The following LRCH2 variants were observed in gnomAD, a reference collection of about 807,000 sequenced individuals.
LRCH2 encodes leucine rich repeats and calponin homology domain containing 2.
A neutral mutation model predicts 68.9 loss-of-function variants in LRCH2; 38 were observed. The ratio of observed to expected loss-of-function variants is 0.55; its 90% CI spans 0.43 to 0.72. The LOEUF (loss-of-function observed/expected upper bound fraction) is 0.72, where lower values mean the gene tolerates loss of function less well. LRCH2 is among the 30% of genes least tolerant of loss of function. The probability of loss-of-function intolerance (pLI) is 0.00; values close to 1 mark genes in which losing one functional copy is unlikely to be tolerated. For synonymous variants in LRCH2, 191 were observed against 208.1 expected, an observed-to-expected ratio of 0.92 and a Z score of 0.71; for missense variants, 528 against 572.9, an observed-to-expected ratio of 0.92 and a Z score of 0.80.
intron 12 of LRCH2, among the ~76,000 whole-genome samples, chrX:115,152,961 C>T (rs1161426948): frequency 9.1e-6 from 1 of 109,896 alleles, no homozygotes; most frequent in South Asian, 3.9e-4. Flanking sequence ...TCAAGGTACT[C>T]GAAGAAAACT....
chrX:115,202,848 G>A (rs1353150777), intron 1 of LRCH2, among the ~76,000 whole-genome samples: 2 of 111,890 alleles, frequency 1.8e-5, no homozygotes, highest in African/African-American at 6.5e-5. Flanking sequence ...CTTGAAAGAA[G>A]CCAGTCTGAA....
At position 115,210,416 on chromosome X, in the gene LRCH2, GC is replaced by G. The variant is rs1257860312; in HGVS notation, c.350-22047del. Among the ~76,000 whole-genome samples the G allele has an allele frequency of 1.3e-3, 143 of 112,355 alleles. 1 individual carries two copies. The highest frequency in any genetic ancestry group is 4.3e-3 in the African/African-American group (132 of 30,950). Reference sequence around the variant, plus strand: ...CAAGCCTTGGCAGCTTCCATGTGGTGCTGAGCCTGCAGGTGCACAGAAGTCA... The same window carrying G: ...CAAGCCTTGGCAGCTTCCATGTGGTGTGAGCCTGCAGGTGCACAGAAGTCA... On this transcript the variant is annotated intron_variant, in intron 1 of 20. Coordinates refer to ENST00000317135, the MANE Select transcript of LRCH2 (RefSeq NM_020871.4).
rs782659980 is a variant in LRCH2, at chrX:115,204,837, C to A, written c.350-16467G>T. 1.3e-4 allele frequency among the ~76,000 whole-genome samples: 14 copies of A among 111,716 alleles called. No homozygotes were observed. In the South Asian group the frequency reaches 3.4e-3, roughly 27 times the overall value. On this transcript the variant is annotated intron_variant, in intron 1 of 20. Transcript: ENST00000317135. ...TCCAAACTTTCCCATATATTCCTGT[C>A]TTCTTCTGAGCCCTCCAAACCGTTC...
At chrX:115,180,455 A>T (rs191155972) in intron 3 of LRCH2, among the ~76,000 whole-genome samples, 1,267 of 104,564 alleles carry the variant, frequency 0.012, 16 homozygotes, top group African/African-American at 0.046. Flanking sequence ...TATCATAATT[A>T]AAAAAAACAG....
chrX:115,121,174 TA>T (rs1241768861), intron 20 of LRCH2, among the ~76,000 whole-genome samples: 2 of 106,730 alleles, frequency 1.9e-5, no homozygotes, highest in Admixed American at 1.0e-4. Context: ...AGTATAATAA[TA>T]AATAAATAAA....
Position 115,123,066 on chromosome X carries a change from G to A in LRCH2, c.1962+14C>T, listed in dbSNP as rs2072157432. On this transcript the variant is annotated intron_variant, in intron 18 of 20. Transcript: ENST00000317135. ...ATTTCCACAAAGCAGATCTGAAAGA[G>A]CAATCTGACTTACGTTGCGAAGTTG... 8.4e-7 allele frequency: 1 copy of A among 1,191,927 alleles called. No homozygotes were observed. The highest frequency in any genetic ancestry group is 2.2e-5 in the Admixed American group (1 of 45,330).
chrX:115,154,755 T>C (rs1271944513), intron 12 of LRCH2, among the ~76,000 whole-genome samples: 3 of 111,726 alleles, frequency 2.7e-5, no homozygotes, highest in South Asian at 3.7e-4. Context: ...ATGTGTTACT[T>C]GTGGGAATGC....
chrX:115,147,782 C>T (rs2072398926), intron 14 of LRCH2, among the ~76,000 whole-genome samples: 1 of 110,888 alleles, frequency 9.0e-6, no homozygotes, highest in Non-Finnish European at 1.9e-5. Context: ...AAAAGTGGGC[C>T]AAAAATGTCA....
At chrX:115,152,395 C>A (rs1331837520) in intron 12 of LRCH2, among the ~76,000 whole-genome samples, 2 of 111,507 alleles carry the variant, frequency 1.8e-5, no homozygotes, top group African/African-American at 6.6e-5. Flanking sequence ...AAAAATTCAA[C>A]CAAGCAATGT....
At chrX:115,123,219 G>T in intron 17 of LRCH2, 27 bp from the exon 18 acceptor site, 1 of 1,115,568 alleles carries the variant, frequency 9.0e-7, no homozygotes, top group Non-Finnish European at 1.2e-6. Flanking sequence ...TTCCTAACTT[G>T]TTACAAAGTT....
At chrX:115,196,697 C>G (rs1224353934) in intron 1 of LRCH2, among the ~76,000 whole-genome samples, 3 of 111,594 alleles carry the variant, frequency 2.7e-5, no homozygotes, top group Non-Finnish European at 5.6e-5. Context: ...ACTTCCAACA[C>G]AAGAGCACAG....
chrX:115,176,328 C>A (rs1348217172), intron 5 of LRCH2, among the ~76,000 whole-genome samples: 1 of 111,141 alleles, frequency 9.0e-6, no homozygotes, highest in African/African-American at 3.3e-5. Context: ...CTTGCCAGCA[C>A]TGGTTATCTT....
At chrX:115,117,579 G>A (rs2072094025) in intron 20 of LRCH2, among the ~76,000 whole-genome samples, 2 of 111,202 alleles carry the variant, frequency 1.8e-5, no homozygotes, top group Admixed American at 1.9e-4. Context: ...AACAAACTGT[G>A]GTATATCCAT....
chrX:115,113,265 G>A lies in LRCH2; in HGVS notation c.2249C>T (p.Ala750Val), dbSNP rs2147336525. The A allele has an allele frequency of 8.4e-7, 1 of 1,196,800 alleles. No homozygotes were observed. The highest frequency in any genetic ancestry group is 1.1e-6 in the Non-Finnish European group (1 of 885,971). ...GLVKVGVTVQ[A>V]LLELPTTKAS... Reference sequence around the variant, plus strand: ...CTTGGTTGTTGGTAATTCAAGGAGCGCCTGAACTGTGACACCAACTTTCAC... The same window carrying A: ...CTTGGTTGTTGGTAATTCAAGGAGCACCTGAACTGTGACACCAACTTTCAC... The change falls in exon 21 of 21, where the codon GCG becomes GTG. Residue 750 changes from alanine to valine, a missense_variant. Ala to Val is a moderately conservative substitution (Grantham distance 64). Coordinates refer to ENST00000317135, the MANE Select transcript of LRCH2 (RefSeq NM_020871.4).
intron 1 of LRCH2, among the ~76,000 whole-genome samples, chrX:115,231,262 C>T (rs949966711): frequency 9.0e-5 from 10 of 111,370 alleles, no homozygotes; most frequent in Admixed American, 2.9e-4. Flanking sequence ...GATCACCAAA[C>T]AGATCATTTT....
At chrX:115,147,382 T>C (rs1369040911) in intron 14 of LRCH2, among the ~76,000 whole-genome samples, 1 of 111,511 alleles carries the variant, frequency 9.0e-6, no homozygotes, top group African/African-American at 3.3e-5. Context: ...AAAAAACTAG[T>C]GACATACTCA....
At chrX:115,151,177 G>C (rs914348362) in intron 12 of LRCH2, among the ~76,000 whole-genome samples, 1 of 111,432 alleles carries the variant, frequency 9.0e-6, no homozygotes, top group East Asian at 2.8e-4. Flanking sequence ...GGATGATCAC[G>C]AAGAGAAAAG....
chrX:115,134,366 TA>T (rs1431349558), intron 14 of LRCH2, among the ~76,000 whole-genome samples: 15 of 112,646 alleles, frequency 1.3e-4, no homozygotes, highest in African/African-American at 4.2e-4. Context: ...GTGACTACGC[TA>T]AACAACAAAT....
At chrX:115,192,477 G>C (rs1556561397) in intron 1 of LRCH2, 2 of 1,170,717 alleles carry the variant, frequency 1.7e-6, no homozygotes, top group South Asian at 1.9e-5. Context: ...ACCGCTACTC[G>C]AGGGGTCGAG....
Sources: gnomAD v4.1 joint callset for allele counts (sites outside exome capture counted in the v4.1 genomes callset) on GRCh38, gnomAD v4.1.1 for gene constraint, MANE v1.5 for transcripts, NCBI Gene and HGNC (gene_info 2026-07-23, HGNC 2026-07-21) for gene names.